Variants in PGAP1 observed in about 807,000 individuals in gnomAD.
The protein encoded by PGAP1 is post-GPI attachment to proteins inositol deacylase 1.
A neutral mutation model predicts 127.0 loss-of-function variants in PGAP1; 76 were observed. The observed-to-expected ratio is 0.60, with a 90% CI of 0.50 to 0.72. The LOEUF (loss-of-function observed/expected upper bound fraction) is 0.72, where lower values mean the gene tolerates loss of function less well. Ranked by LOEUF, PGAP1 falls within the 30% of genes least tolerant of loss-of-function variation. The pLI is 0.00. For missense variants in PGAP1, 982 were observed against 1,071.3 expected, an observed-to-expected ratio of 0.92 and a Z score of 1.16; for synonymous variants, 362 against 366.5, an observed-to-expected ratio of 0.99 and a Z score of 0.14.
chr2:196,875,939 C>A, intron 13 of PGAP1, 118 bp from the exon 14 acceptor site: 1 of 586,648 alleles, frequency 1.7e-6, no homozygotes, highest in Non-Finnish European at 3.1e-6. Flanking sequence ...GAGAAAGTAT[C>A]ATCTATTACA....
rs1012485489 is a variant in PGAP1 at position 196,836,171 on chromosome 2, T to C, written c.*5063A>G. The C allele has an allele frequency of 6.6e-6, 1 of 152,552 alleles. No individual in the cohort carries two copies. The highest frequency in any genetic ancestry group is 2.1e-4 in the South Asian group (1 of 4,836). 9.4% of individuals were successfully genotyped at this position (152,552 alleles called of 1,614,324 possible). Reference sequence around the variant, plus strand: ...GAGTACAGACAGATTCTGACTCATATATCAAGTCCTATACAAAGTCTTCAG... The same window carrying C: ...GAGTACAGACAGATTCTGACTCATACATCAAGTCCTATACAAAGTCTTCAG... On this transcript the variant is annotated 3_prime_UTR_variant, in exon 27 of 27. Transcript: ENST00000354764.
intron 19 of PGAP1, among the ~76,000 whole-genome samples, chr2:196,866,784 A>AG (rs1701256225): frequency 6.6e-6 from 1 of 152,204 alleles, no homozygotes. Context: ...AGAAAAAAAA[A>AG]CAACCTCATC....
intron 20 of PGAP1, among the ~76,000 whole-genome samples, chr2:196,862,012 T>C (rs1436915488): frequency 6.6e-6 from 1 of 151,494 alleles, no homozygotes; most frequent in Non-Finnish European, 1.5e-5. Context: ...CAATATGAAA[T>C]CTGGGCACCT....
intron 19 of PGAP1, among the ~76,000 whole-genome samples, chr2:196,867,987 T>C (rs1235413455): frequency 6.6e-6 from 1 of 152,230 alleles, no homozygotes; most frequent in Non-Finnish European, 1.5e-5. Context: ...CTGGGAAATA[T>C]ACTCTACTTA....
At chr2:196,892,257 C>A in intron 9 of PGAP1, 89 bp downstream of exon 9, 1 of 618,446 alleles carries the variant, frequency 1.6e-6, no homozygotes, top group South Asian at 2.3e-5. Flanking sequence ...ATGCAGTTAT[C>A]TTGTTTAAAG....
chr2:196,906,822 G>A lies in PGAP1; in HGVS notation c.650-4080C>T, dbSNP rs1267122304. 5.9e-3 allele frequency among the ~76,000 whole-genome samples: 191 copies of A among 32,530 alleles called. 2 individuals are homozygous for A. Among genetic ancestry groups the A allele is most frequent in the Non-Finnish European group, 8.0e-3 (148 of 18,592 alleles). 21.3% of individuals were successfully genotyped at this position (32,530 alleles called of 152,430 possible). ...GAAGAATGCAGAAGCCTCAGGAGCC[G>A]ATGCGATCAACTGGAAGAAAGGGTA... On this transcript the variant is annotated intron_variant, in intron 4 of 26. Coordinates refer to ENST00000354764, the MANE Select transcript of PGAP1 (RefSeq NM_024989.4).
intron 10 of PGAP1, among the ~76,000 whole-genome samples, chr2:196,890,316 G>A (rs551350183): frequency 1.3e-5 from 2 of 152,102 alleles, no homozygotes; most frequent in African/African-American, 4.8e-5. Flanking sequence ...AACATAGTAG[G>A]TACTCATTAA....
Position 196,926,513 on chromosome 2 carries a change from T to A in PGAP1, c.104A>T (p.Asn35Ile), listed in dbSNP as rs149238260. The part of the protein sequence containing the change: ...LWDVFFGFEE[N>I]KCSMSYMFEY... ...AAACATGTAGCTCATACTGCACTTA[T>A]TCTCCTCGAAGCCGAAGAAGACATC... The change falls in exon 1 of 27, where the codon AAT becomes ATT. Residue 35 changes from asparagine (N) to isoleucine (I), a missense_variant. Coordinates refer to ENST00000354764, the MANE Select transcript of PGAP1 (RefSeq NM_024989.4). 1.9e-6 allele frequency: 3 copies of A among 1,614,152 alleles called. No homozygotes were observed. Among genetic ancestry groups the A allele is most frequent in the Non-Finnish European group, 2.5e-6 (3 of 1,180,018 alleles).
At chr2:196,876,162 T>A (rs1016818296) in intron 13 of PGAP1, among the ~76,000 whole-genome samples, 9 of 152,248 alleles carry the variant, frequency 5.9e-5, no homozygotes, top group African/African-American at 2.2e-4. Context: ...CCTAGGCTAA[T>A]TCAAGATTAG....
At chr2:196,912,805 G>C in intron 4 of PGAP1, 77 bp downstream of exon 4, 1 of 1,357,084 alleles carries the variant, frequency 7.4e-7, no homozygotes, top group Non-Finnish European at 1.0e-6. Flanking sequence ...CATACTCCTA[G>C]GGGAATAGCC....
intron 20 of PGAP1, among the ~76,000 whole-genome samples, chr2:196,851,141 T>C (rs1192589361): frequency 2.1e-5 from 3 of 145,334 alleles, no homozygotes; most frequent in Non-Finnish European, 4.5e-5. Context: ...CAAAATGGAG[T>C]CACTGTTTTT....
At chr2:196,895,319 A>T (rs561301993) in intron 7 of PGAP1, among the ~76,000 whole-genome samples, 39 of 152,330 alleles carry the variant, frequency 2.6e-4, no homozygotes, top group African/African-American at 8.9e-4. Flanking sequence ...TTTTTTTAGG[A>T]ATATACCTGT....
chr2:196,924,386 C>T (rs1703304757), intron 1 of PGAP1, among the ~76,000 whole-genome samples: 1 of 152,110 alleles, frequency 6.6e-6, no homozygotes, highest in Non-Finnish European at 1.5e-5. Flanking sequence ...ATCTTTAAAA[C>T]ATTTTTATTC....
chr2:196,873,520 A>T lies in PGAP1; in HGVS notation c.1552+8T>A. 6.2e-7 allele frequency: 1 copy of T among 1,600,124 alleles called. No individual in the cohort carries two copies. The highest frequency in any genetic ancestry group is 1.7e-5 in the Admixed American group (1 of 59,400). On this transcript the variant is annotated splice_region_variant and intron_variant, in intron 16 of 26. Transcript: ENST00000354764. ...ATTTTCTATACATTTTTTAGAAAAC[A>T]TATTTACCTTTGACTGCTGAGCACT...
intron 7 of PGAP1, among the ~76,000 whole-genome samples, chr2:196,894,618 C>G (rs750329384): frequency 6.6e-6 from 1 of 152,006 alleles, no homozygotes; most frequent in South Asian, 2.1e-4. Context: ...CTGGCTAACA[C>G]GTAGAAACCC....
At chr2:196,883,130 AG>A (rs1289251661) in intron 12 of PGAP1, among the ~76,000 whole-genome samples, 1 of 152,124 alleles carries the variant, frequency 6.6e-6, no homozygotes, top group Non-Finnish European at 1.5e-5. Flanking sequence ...TTTTGTCTTT[AG>A]TTCTATTTAT....
Position 196,922,277 on chromosome 2 carries a change from T to C in PGAP1, c.148-2127A>G. ...AAACTAAAATATCTATTTTATGATA[T>C]TACTTAATTGTAAACTTAAACTGAA... On this transcript the variant is annotated intron_variant, in intron 1 of 26. Transcript: ENST00000354764. The C allele has an allele frequency of 7.6e-6, 9 of 1,188,874 alleles. No homozygotes were observed. The South Asian group carries it at 1.3e-4, about 18-fold the overall frequency. The allele number at this position is 1,188,874 out of a possible 1,614,324, so 73.6% of individuals were successfully genotyped here. A position where few individuals can be genotyped will look rare whatever the true frequency, so the allele number is the denominator to read the frequency against.
At chr2:196,915,589 C>T (rs1260982058) in intron 3 of PGAP1, among the ~76,000 whole-genome samples, 5 of 152,158 alleles carry the variant, frequency 3.3e-5, no homozygotes, top group Admixed American at 3.3e-4. Flanking sequence ...TTTCCTCTCA[C>T]TTTGCCCTTC....
intron 4 of PGAP1, among the ~76,000 whole-genome samples, chr2:196,906,072 G>C: frequency 1.6e-5 from 1 of 62,848 alleles, no homozygotes; most frequent in African/African-American, 6.0e-5. Context: ...AAAGCAGCCA[G>C]GAAGCTCGAA....
Sources: allele counts gnomAD v4.1 joint callset (sites outside exome capture counted in the v4.1 genomes callset), GRCh38; gene constraint gnomAD v4.1.1; transcripts MANE v1.5; gene names NCBI Gene and HGNC (gene_info 2026-07-23, HGNC 2026-07-21).